ALG6: variants seen among roughly 807,000 people sequenced by gnomAD.
ALG6 encodes dolichyl pyrophosphate Man9GlcNAc2 alpha-1,3-glucosyltransferase.
A neutral mutation model predicts 66.6 loss-of-function variants in ALG6; 46 were observed. That is an observed-to-expected ratio of 0.69 (90% CI 0.55 to 0.88). The LOEUF is 0.88. Ranked by LOEUF, ALG6 falls within the 40% of genes least tolerant of loss-of-function variation. The pLI, the probability that ALG6 is intolerant of heterozygous loss-of-function variation, is 0.00. For synonymous variants in ALG6, 185 were observed against 203.7 expected, an observed-to-expected ratio of 0.91 and a Z score of 0.78; for missense variants, 505 against 586.8, an observed-to-expected ratio of 0.86 and a Z score of 1.44.
rs753144626 is a variant in ALG6, at chr1:63,419,353, C to T, written c.988-17C>T. On this transcript the variant is annotated splice_polypyrimidine_tract_variant and intron_variant, in intron 11 of 14. Transcript: ENST00000263440. ...CACAAGTTGTTATATCTCATTTCCCCCCCTTTTTTCTTAAAGGTTAGCTGT... is the reference window on the plus strand; with the variant it reads ...CACAAGTTGTTATATCTCATTTCCCTCCCTTTTTTCTTAAAGGTTAGCTGT... The T allele has an allele frequency of 6.3e-7, 1 of 1,594,560 alleles. No homozygotes were observed. Among genetic ancestry groups the T allele is most frequent in the East Asian group, 2.2e-5 (1 of 44,514 alleles).
chr1:63,397,214 C>G (rs1648851145), intron 3 of ALG6, among the ~76,000 whole-genome samples: 1 of 151,328 alleles, frequency 6.6e-6, no homozygotes, highest in African/African-American at 2.4e-5. Context: ...GAGATGGAGT[C>G]TCACTCTGTC....
At chr1:63,418,326 A>G (rs1229710135) in intron 11 of ALG6, among the ~76,000 whole-genome samples, 2 of 148,186 alleles carry the variant, frequency 1.3e-5, no homozygotes, top group Non-Finnish European at 3.0e-5. Context: ...AAATAATAAT[A>G]TTTATAAATA....
rs567721253 is a variant in ALG6 at position 63,397,147 on chromosome 1, A to G, written c.167+550A>G. Among the ~76,000 whole-genome samples, 9 of 152,032 alleles carry G rather than the reference A, an allele frequency of 5.9e-5. 1 individual carries two copies. The East Asian group carries it at 1.7e-3, about 29-fold the overall frequency. ...AGGGCATGGCACATTGTAGACCCTC[A>G]ATAAAAATCTGTGGAAGGAATGAGT... On this transcript the variant is annotated intron_variant, in intron 3 of 14. Transcript: ENST00000263440.
At chr1:63,394,996 G>C (rs1254750393) in intron 2 of ALG6, among the ~76,000 whole-genome samples, 1 of 151,784 alleles carries the variant, frequency 6.6e-6, no homozygotes, top group Admixed American at 6.6e-5. Context: ...CTCCTGAGTA[G>C]CTGGGATTAC....
intron 2 of ALG6, among the ~76,000 whole-genome samples, chr1:63,372,329 A>T (rs769306966): frequency 6.6e-6 from 1 of 152,154 alleles, no homozygotes; most frequent in Non-Finnish European, 1.5e-5. Flanking sequence ...AGACAATAAT[A>T]TTAATAGTTG....
Position 63,419,551 on chromosome 1 carries a change from T to G in ALG6, c.1058+111T>G, listed in dbSNP as rs4550089. ...CAAAACTACACAAATGTTATATCTT[T>G]GCATAAAATGATTTCATAGTCAGGT... On this transcript the variant is annotated intron_variant, in intron 12 of 14. Coordinates refer to ENST00000263440, the MANE Select transcript of ALG6 (RefSeq NM_013339.4). 0.16 allele frequency: 125,453 copies of G among 782,346 alleles called. 10,475 individuals carry two copies. The highest frequency in any genetic ancestry group is 0.25 in the Middle Eastern group (648 of 2,568). The allele number at this position is 782,346 out of a possible 1,614,324, so 48.5% of individuals were successfully genotyped here. A position where few individuals can be genotyped will look rare whatever the true frequency, so the allele number is the denominator to read the frequency against.
At chr1:63,375,606 G>A (rs1648098867) in intron 2 of ALG6, among the ~76,000 whole-genome samples, 1 of 151,952 alleles carries the variant, frequency 6.6e-6, no homozygotes, top group Non-Finnish European at 1.5e-5. Flanking sequence ...TTGATATCAA[G>A]GTTAAGCTAG....
chr1:63,406,179 A>C, intron 5 of ALG6, 138 bp from the exon 6 acceptor site: 1 of 731,258 alleles, frequency 1.4e-6, no homozygotes, highest in South Asian at 1.5e-5. Flanking sequence ...AAAAGTGCTG[A>C]CTGTGTAAAG....
Position 63,408,664 on chromosome 1 carries a change from A to G in ALG6, c.494+1538A>G, listed in dbSNP as rs557672770. Among the ~76,000 whole-genome samples, 9 of 152,348 alleles carry G rather than the reference A, an allele frequency of 5.9e-5. No individual in the cohort carries two copies. The South Asian group carries it at 1.9e-3, about 32-fold the overall frequency. On this transcript the variant is annotated intron_variant, in intron 7 of 14. Transcript: ENST00000263440. Reference sequence around the variant, plus strand: ...GTTCCAGATGCTCTACATCTTGACCAACTGTCAATGGTTTTCGATTTAGCC... The same window carrying G: ...GTTCCAGATGCTCTACATCTTGACCGACTGTCAATGGTTTTCGATTTAGCC...
intron 3 of ALG6, among the ~76,000 whole-genome samples, chr1:63,401,618 A>G (rs1170233663): frequency 6.6e-6 from 1 of 151,014 alleles, no homozygotes; most frequent in Non-Finnish European, 1.5e-5. Flanking sequence ...CGGAAGTTGC[A>G]GTGAGCCGAG....
At chr1:63,422,389 A>G (rs1644588686) in intron 12 of ALG6, among the ~76,000 whole-genome samples, 2 of 102,210 alleles carry the variant, frequency 2.0e-5, no homozygotes, top group Non-Finnish European at 1.8e-5. Flanking sequence ...ATAAATATAT[A>G]TAAATATATA....
intron 3 of ALG6, among the ~76,000 whole-genome samples, chr1:63,397,177 A>G (rs370442737): frequency 1.6e-4 from 25 of 151,586 alleles, no homozygotes; most frequent in East Asian, 9.7e-4. Flanking sequence ...ATGAGTATTT[A>G]GGTGTTCACT....
At position 63,369,774 on chromosome 1, in the gene ALG6, A is replaced by G. The variant is rs940185126; in HGVS notation, c.-207-997A>G. 2.6e-5 allele frequency among the ~76,000 whole-genome samples: 4 copies of G among 152,022 alleles called. No homozygotes were observed. The South Asian group carries it at 6.2e-4, about 24-fold the overall frequency. ...TATCCTGTGGTTAAAATGGTCCAAC[A>G]TTTTTCAAAGAGAAGAGGAAAATGT... On this transcript the variant is annotated intron_variant, in intron 1 of 14. Transcript: ENST00000263440.
intron 2 of ALG6, among the ~76,000 whole-genome samples, chr1:63,385,821 T>A (rs185479851): frequency 6.6e-6 from 1 of 152,298 alleles, no homozygotes; most frequent in African/African-American, 2.4e-5. Flanking sequence ...CTTTCTCTTG[T>A]CTGATTGCGC....
At chr1:63,373,657 CATT>C (rs1648013952) in intron 2 of ALG6, among the ~76,000 whole-genome samples, 1 of 114,756 alleles carries the variant, frequency 8.7e-6, no homozygotes, top group Admixed American at 9.0e-5. Context: ...ATTTAATTTA[CATT>C]TTTTTTTTTT....
intron 12 of ALG6, chr1:63,428,457 C>A: frequency 3.7e-6 from 1 of 267,656 alleles, no homozygotes; most frequent in Non-Finnish European, 6.9e-6. Flanking sequence ...TCTTAAGCTA[C>A]TTGTTTGTAT....
intron 12 of ALG6, among the ~76,000 whole-genome samples, 192 bp downstream of exon 12, chr1:63,419,632 T>G (rs937582806): frequency 6.6e-6 from 1 of 152,238 alleles, no homozygotes; most frequent in Non-Finnish European, 1.5e-5. Context: ...TGAAAAATTT[T>G]GGTAGAATGT....
intron 2 of ALG6, among the ~76,000 whole-genome samples, chr1:63,382,008 T>G (rs1342203316): frequency 2.0e-5 from 3 of 152,066 alleles, no homozygotes; most frequent in Non-Finnish European, 4.4e-5. Context: ...CCAATAGAAA[T>G]GCATCATTTT....
At chr1:63,414,180 TAA>T (rs1283229394) in intron 10 of ALG6, 34 bp downstream of exon 10, 20 of 1,398,246 alleles carry the variant, frequency 1.4e-5, no homozygotes, top group Admixed American at 3.4e-5. Context: ...TAGTATTTTA[TAA>T]GTTACTCTTT....
Sources: allele counts gnomAD v4.1 joint callset (sites outside exome capture counted in the v4.1 genomes callset), GRCh38; gene constraint gnomAD v4.1.1; transcripts MANE v1.5; gene names NCBI Gene and HGNC (gene_info 2026-07-23, HGNC 2026-07-21).